The following SUN2 variants were observed in gnomAD, a reference collection of about 807,000 sequenced individuals.
The protein encoded by SUN2 is Sad1 and UNC84 domain containing 2.
SUN2 carries 60 observed loss-of-function variants against 100.0 expected under a neutral mutation model. The observed-to-expected ratio is 0.60, with a 90% CI of 0.49 to 0.74. The LOEUF (loss-of-function observed/expected upper bound fraction) is 0.74. SUN2 is among the 30% of genes least tolerant of loss of function. The pLI is 0.00. For synonymous variants in SUN2, 367 were observed against 403.3 expected (o/e 0.91, Z 1.08); for missense variants, 834 against 954.6 (o/e 0.87, Z 1.66).
Position 38,755,335 on chromosome 22 carries a change from C to CTTTGT in SUN2, c.-38+423_-38+427dup, listed in dbSNP as rs575854739. On this transcript the variant is annotated intron_variant, in intron 1 of 17. Coordinates refer to ENST00000689035, the MANE Select transcript of SUN2 (RefSeq NM_015374.3). The surrounding 1 kb of genome is among the most constrained non-coding windows in gnomAD (Gnocchi z 5.7). Reference sequence around the variant, plus strand: ...CTAAGTCACACCGCGCCCCCCATTGCTTTGTTTTGTTTTGTTTTAGAACTG... The same window carrying CTTTGT: ...CTAAGTCACACCGCGCCCCCCATTGCTTTGTTTTGTTTTGTTTTGTTTTAGAACTG... 7 of 1,095,534 alleles carry CTTTGT rather than the reference C, an allele frequency of 6.4e-6. No homozygotes were observed. In the Admixed American group the frequency reaches 1.5e-4, roughly 23 times the overall value. 67.9% of individuals were successfully genotyped at this position (1,095,534 alleles called of 1,614,324 possible). A position where few individuals can be genotyped will look rare whatever the true frequency, so the allele number is the denominator to read the frequency against.
chr22:38,750,400 C>T (rs1182421903), intron 4 of SUN2, 80 bp from the exon 5 acceptor site: 1 of 1,575,602 alleles, frequency 6.3e-7, no homozygotes, highest in Admixed American at 1.8e-5. Context: ...GCCAAGACCA[C>T]AAGTCACCCA....
At chr22:38,750,416 C>A in intron 4 of SUN2, 96 bp from the exon 5 acceptor site, 1 of 1,556,014 alleles carries the variant, frequency 6.4e-7, no homozygotes, top group African/African-American at 1.4e-5. Flanking sequence ...ACCCACCCTC[C>A]TTCACATCCC....
intron 7 of SUN2, among the ~76,000 whole-genome samples, chr22:38,746,335 G>A (rs868368570): frequency 2.0e-5 from 3 of 152,138 alleles, no homozygotes; most frequent in Admixed American, 6.6e-5. Context: ...GCTGCTCGAG[G>A]CCCAGACACG....
chr22:38,755,325 C>G lies in SUN2; in HGVS notation c.-38+438G>C, dbSNP rs1276444817. The G allele has an allele frequency of 9.1e-7, 1 of 1,095,518 alleles. No individual in the cohort carries two copies. 67.9% of individuals were successfully genotyped at this position (1,095,518 alleles called of 1,614,324 possible). On this transcript the variant is annotated intron_variant, in intron 1 of 17. Coordinates refer to ENST00000689035, the MANE Select transcript of SUN2 (RefSeq NM_015374.3). This position sits in a 1 kb window ranked among gnomAD's most constrained non-coding sequence, Gnocchi z 5.7. Reference sequence around the variant, plus strand: ...TCCTGGCTCTCTAAGTCACACCGCGCCCCCCATTGCTTTGTTTTGTTTTGT... The same window carrying G: ...TCCTGGCTCTCTAAGTCACACCGCGGCCCCCATTGCTTTGTTTTGTTTTGT...
chr22:38,748,861 G>A, intron 6 of SUN2, 78 bp from the exon 7 acceptor site: 2 of 1,431,574 alleles, frequency 1.4e-6, no homozygotes, highest in Middle Eastern at 1.8e-4. Flanking sequence ...CACCCAGGGA[G>A]TACCCTGAGA....
In SUN2 at chr22:38,754,863, TTCCTGCGGCA is replaced by T. The variant is rs1332983200; in HGVS notation, c.-38+890_-38+899del. 8.5e-6 allele frequency: 11 copies of T among 1,289,252 alleles called. No homozygotes were observed. In the South Asian group the frequency reaches 1.2e-4, roughly 14 times the overall value. 79.9% of individuals were successfully genotyped at this position (1,289,252 alleles called of 1,614,324 possible). On this transcript the variant is annotated intron_variant, in intron 1 of 17. Transcript: ENST00000689035. ...AACTCCCAGAGATGCCTCTCAGTCTTTCCTGCGGCATCCTGGCATCACAAAACAGTTTACC... is the reference window on the plus strand; with the variant it reads ...AACTCCCAGAGATGCCTCTCAGTCTTTCCTGGCATCACAAAACAGTTTACC...
chr22:38,746,753 C>T (rs968457246), intron 7 of SUN2, among the ~76,000 whole-genome samples: 2 of 152,014 alleles, frequency 1.3e-5, no homozygotes, highest in Non-Finnish European at 1.5e-5. Context: ...CTGACTGGGC[C>T]GGGCGCGGTG....
Position 38,740,414 on chromosome 22 carries a change from G to GA in SUN2, c.1208dup (p.Gln404ProfsTer138). On this transcript the variant is annotated frameshift_variant, in exon 12 of 18. Transcript: ENST00000689035. LOFTEE classifies it high-confidence loss of function. The surrounding 1 kb of genome is among the most constrained non-coding windows in gnomAD (Gnocchi z 4.8). ...TCAGCTCCTTCACAGAGCTCTCCTG[G>GA]AAGGACTCCTGGGTCATGCTGGTCC... The GA allele has an allele frequency of 1.3e-6, 2 of 1,553,096 alleles. No individual in the cohort carries two copies. Among genetic ancestry groups the GA allele is most frequent in the South Asian group, 2.4e-5 (2 of 84,316 alleles).
In SUN2 at chr22:38,738,219, A is replaced by T; in HGVS notation, c.1994T>A (p.Phe665Tyr). Residue 665 changes from phenylalanine (F) to tyrosine (Y), a missense_variant, in exon 17 of 18, where the codon TTC (phenylalanine) becomes TAC (tyrosine). Phe to Tyr is a conservative substitution (Grantham distance 22). This residue lies in a region of SUN2 where 80 missense variants were observed against 76.7 expected (regional missense o/e 1.04). Coordinates refer to ENST00000689035, the MANE Select transcript of SUN2 (RefSeq NM_015374.3). The surrounding 1 kb of genome is among the most constrained non-coding windows in gnomAD (Gnocchi z 6.6). Reference protein sequence around the residue: ...LQQEGTLLGKFTYDQDGEPIQ... With the variant: ...LQQEGTLLGKYTYDQDGEPIQ... The stretch of plus-strand genomic sequence containing the variant: ...AGGCTCGCCGTCCTGATCGTAAGTG[A>T]ACTTGCCAAGGAGTGTCCCCTCCTG... 6.2e-7 allele frequency: 1 copy of T among 1,613,928 alleles called. No individual in the cohort carries two copies. Among genetic ancestry groups the T allele is most frequent in the Non-Finnish European group, 8.5e-7 (1 of 1,179,984 alleles).
intron 8 of SUN2, among the ~76,000 whole-genome samples, chr22:38,744,343 T>A (rs1272807113): frequency 6.6e-6 from 1 of 151,190 alleles, no homozygotes; most frequent in Admixed American, 6.6e-5. Flanking sequence ...TTTGGAAGGC[T>A]GAGGCAGGAG....
In SUN2 at chr22:38,755,847, C is replaced by A. The variant is rs1230418788; in HGVS notation, c.-122G>T. 1.0e-6 allele frequency: 1 copy of A among 982,748 alleles called. No individual in the cohort carries two copies. Among genetic ancestry groups the A allele is most frequent in the East Asian group, 1.1e-4 (1 of 8,798 alleles). 60.9% of individuals were successfully genotyped at this position (982,748 alleles called of 1,614,324 possible). ...GCGCGCCCCCTTTCCGCGTGGGGAT[C>A]CCGCGGGCGGCGCTCCGCTCAGGGC... On this transcript the variant is annotated 5_prime_UTR_variant, in exon 1 of 18. Transcript: ENST00000689035. The surrounding 1 kb of genome is among the most constrained non-coding windows in gnomAD (Gnocchi z 5.7).
intron 8 of SUN2, among the ~76,000 whole-genome samples, chr22:38,744,168 A>G (rs994164821): frequency 2.1e-5 from 3 of 141,300 alleles, no homozygotes; most frequent in African/African-American, 8.1e-5. Context: ...TGAACCCGGG[A>G]GGTGTAGGCT....
In SUN2 at chr22:38,739,668, T is replaced by C; in HGVS notation, c.1578+54A>G. 6.3e-7 allele frequency: 1 copy of C among 1,585,316 alleles called. No homozygotes were observed. The highest frequency in any genetic ancestry group is 8.6e-7 in the Non-Finnish European group (1 of 1,160,644). On this transcript the variant is annotated intron_variant, in intron 13 of 17. Coordinates refer to ENST00000689035, the MANE Select transcript of SUN2 (RefSeq NM_015374.3). This position sits in a 1 kb window ranked among gnomAD's most constrained non-coding sequence, Gnocchi z 6.7. Reference sequence around the variant, plus strand: ...CTGGCAGTGTGGGACTGTCCAGGGCTCCCAGGGAGGAGAGCTGTGGGTGGG... The same window carrying C: ...CTGGCAGTGTGGGACTGTCCAGGGCCCCCAGGGAGGAGAGCTGTGGGTGGG...
intron 1 of SUN2, among the ~76,000 whole-genome samples, chr22:38,753,507 C>T (rs927042965): frequency 5.9e-5 from 9 of 152,246 alleles, no homozygotes; most frequent in Non-Finnish European, 1.0e-4. Flanking sequence ...TGAGCCACCA[C>T]GCTCAGCCAA....
chr22:38,748,588 G>A, intron 7 of SUN2, 125 bp downstream of exon 7: 4 of 1,090,440 alleles, frequency 3.7e-6, no homozygotes, highest in Non-Finnish European at 5.6e-6. Flanking sequence ...AGGGTCCAGG[G>A]CTCAGGCCCT....
intron 10 of SUN2, among the ~76,000 whole-genome samples, chr22:38,741,262 C>T (rs141836055): frequency 6.6e-6 from 1 of 152,294 alleles, no homozygotes; most frequent in Non-Finnish European, 1.5e-5. Context: ...CACCCACACT[C>T]AGCACATGCA....
In SUN2 at chr22:38,737,483, A is replaced by C. The variant is rs1467191968; in HGVS notation, c.2040+690T>G. Among the ~76,000 whole-genome samples, 1 of 152,082 alleles carries C rather than the reference A, an allele frequency of 6.6e-6. No homozygotes were observed. Among genetic ancestry groups the C allele is most frequent in the East Asian group, 1.9e-4 (1 of 5,190 alleles). ...GCCCAGGCTCGCCCCTTCGAGTCATATAGTGATGTTAGTCAAATGGACATA... is the reference window on the plus strand; with the variant it reads ...GCCCAGGCTCGCCCCTTCGAGTCATCTAGTGATGTTAGTCAAATGGACATA... On this transcript the variant is annotated intron_variant, in intron 17 of 17. Coordinates refer to ENST00000689035, the MANE Select transcript of SUN2 (RefSeq NM_015374.3). This position sits in a 1 kb window ranked among gnomAD's most constrained non-coding sequence, Gnocchi z 4.1.
In SUN2 at chr22:38,748,689, TCTGCTCTCCC is replaced by T; in HGVS notation, c.685+14_685+23del. On this transcript the variant is annotated intron_variant, in intron 7 of 17. Transcript: ENST00000689035. Reference sequence around the variant, plus strand: ...TGGTGAACACATCTCTGTGCCTCCCTCTGCTCTCCCCATGCAGGCTCACCATACGTCAGGC... The same window carrying T: ...TGGTGAACACATCTCTGTGCCTCCCTCATGCAGGCTCACCATACGTCAGGC... 1 of 1,614,044 alleles carries T rather than the reference TCTGCTCTCCC, an allele frequency of 6.2e-7. No homozygotes were observed. The highest frequency in any genetic ancestry group is 8.5e-7 in the Non-Finnish European group (1 of 1,179,900).
intron 8 of SUN2, 196 bp from the exon 9 acceptor site, chr22:38,742,751 G>C: frequency 1.6e-6 from 1 of 643,030 alleles, no homozygotes; most frequent in Non-Finnish European, 2.6e-6. Context: ...GGGAGCCAGG[G>C]ATCACTGGGT....
Sources: gnomAD v4.1 joint callset for allele counts (sites outside exome capture counted in the v4.1 genomes callset) on GRCh38, gnomAD v4.1.1 for gene constraint, gnomAD v4.1.1 regional missense constraint, Gnocchi (gnomAD v3.1) non-coding constraint, MANE v1.5 for transcripts, NCBI Gene and HGNC (gene_info 2026-07-23, HGNC 2026-07-21) for gene names.